Variants in SETBP1 observed in about 807,000 individuals in gnomAD.
The protein encoded by SETBP1 is SET binding protein 1, also known as SET-binding protein.
SETBP1 carries 9 observed loss-of-function variants against 101.0 expected under a neutral mutation model. The ratio of observed to expected loss-of-function variants is 0.09; its 90% CI spans 0.05 to 0.16. The LOEUF is 0.16. Ranked by LOEUF, SETBP1 falls within the 10% of genes least tolerant of loss-of-function variation. The pLI, the probability that SETBP1 is intolerant of heterozygous loss-of-function variation, is 1.00. For synonymous variants in SETBP1, 818 were observed against 788.5 expected (o/e 1.04, Z -0.63); for missense variants, 1,858 against 2,033.8 (o/e 0.91, Z 1.66).
Position 45,026,720 on chromosome 18 carries a change from T to C in SETBP1, c.4001-11765T>C, listed in dbSNP as rs141489959. Reference sequence around the variant, plus strand: ...AGAATAGTTACCACCCTATTGTCTCTGCACTTTTTAAAGCATGGTTGCAAT... The same window carrying C: ...AGAATAGTTACCACCCTATTGTCTCCGCACTTTTTAAAGCATGGTTGCAAT... On this transcript the variant is annotated intron_variant, in intron 4 of 5. Transcript: ENST00000649279. Among the ~76,000 whole-genome samples, 827 of 152,342 alleles carry C rather than the reference T, an allele frequency of 5.4e-3. 6 individuals carry two copies. The highest frequency in any genetic ancestry group is 9.4e-3 in the Admixed American group (144 of 15,300).
intron 1 of SETBP1, among the ~76,000 whole-genome samples, chr18:44,684,000 G>GTCCT (rs2068797812): frequency 6.6e-6 from 1 of 152,196 alleles, no homozygotes; most frequent in Non-Finnish European, 1.5e-5. Flanking sequence ...GTATGTGAGA[G>GTCCT]TCCTACCAGA....
At chr18:44,689,874 G>T (rs2068900618) in intron 1 of SETBP1, among the ~76,000 whole-genome samples, 1 of 152,178 alleles carries the variant, frequency 6.6e-6, no homozygotes, top group South Asian at 2.1e-4. Context: ...AACAGGCCAA[G>T]GATTCATCTC....
chr18:44,763,774 G>A (rs1304532809), intron 2 of SETBP1, among the ~76,000 whole-genome samples: 1 of 152,046 alleles, frequency 6.6e-6, no homozygotes, highest in African/African-American at 2.4e-5. Flanking sequence ...TTTAAAATAT[G>A]TTTCCCTTGG....
intron 2 of SETBP1, among the ~76,000 whole-genome samples, chr18:44,825,403 C>G (rs2072214912): frequency 6.6e-6 from 1 of 152,090 alleles, no homozygotes; most frequent in African/African-American, 2.4e-5. Context: ...GTTTATCTAT[C>G]AGAATATTTT....
chr18:44,734,595 C>T (rs2069922235), intron 2 of SETBP1, among the ~76,000 whole-genome samples: 2 of 152,166 alleles, frequency 1.3e-5, no homozygotes, highest in Admixed American at 1.3e-4. Flanking sequence ...CTTCTGTTTA[C>T]ATTGCTCTGA....
intron 2 of SETBP1, among the ~76,000 whole-genome samples, chr18:44,829,283 C>T (rs1172473076): frequency 6.6e-6 from 1 of 152,128 alleles, no homozygotes; most frequent in Admixed American, 6.5e-5. Flanking sequence ...CTCAGAACAT[C>T]GTATACATGT....
chr18:45,048,769 G>C (rs372486240), intron 5 of SETBP1, among the ~76,000 whole-genome samples: 1 of 150,644 alleles, frequency 6.6e-6, no homozygotes, highest in Non-Finnish European at 1.5e-5. Context: ...TCAGGAGATC[G>C]AGACCATCCT....
At chr18:44,838,588 C>A (rs184566601) in intron 2 of SETBP1, among the ~76,000 whole-genome samples, 1 of 152,086 alleles carries the variant, frequency 6.6e-6, no homozygotes, top group Non-Finnish European at 1.5e-5. Context: ...ACAGGTGTAC[C>A]ATTTACATCA....
At chr18:44,830,347 C>T (rs559146643) in intron 2 of SETBP1, among the ~76,000 whole-genome samples, 64 of 152,190 alleles carry the variant, frequency 4.2e-4, no homozygotes, top group Admixed American at 1.5e-3. Context: ...TTGTGCAAAA[C>T]AGTGACCTTA....
At chr18:45,041,435 T>G (rs976702340) in intron 5 of SETBP1, among the ~76,000 whole-genome samples, 5 of 152,214 alleles carry the variant, frequency 3.3e-5, no homozygotes, top group Non-Finnish European at 7.3e-5. Flanking sequence ...GTGCCTTTCT[T>G]CATCTTTCAC....
At chr18:44,862,008 CTAAT>C (rs1568186532) in intron 2 of SETBP1, among the ~76,000 whole-genome samples, 1 of 152,158 alleles carries the variant, frequency 6.6e-6, no homozygotes, top group African/African-American at 2.4e-5. Context: ...CATGTGGTCT[CTAAT>C]TATCTCTTCA....
At position 44,844,118 on chromosome 18, in the gene SETBP1, C is replaced by T. The variant is rs141336551; in HGVS notation, c.487-25112C>T. Among the ~76,000 whole-genome samples the T allele has an allele frequency of 6.2e-4, 94 of 152,138 alleles. No individual in the cohort carries two copies. In the Middle Eastern group the frequency reaches 0.027, roughly 44 times the overall value. ...AATACAGTTATTTGGGATGAGGGAA[C>T]GTATTTTCTCCCTCAAATAAATTGG... On this transcript the variant is annotated intron_variant, in intron 2 of 5. Coordinates refer to ENST00000649279, the MANE Select transcript of SETBP1 (RefSeq NM_015559.3).
At chr18:44,813,806 C>T (rs890634574) in intron 2 of SETBP1, among the ~76,000 whole-genome samples, 11 of 152,122 alleles carry the variant, frequency 7.2e-5, no homozygotes, top group Non-Finnish European at 1.5e-4. Flanking sequence ...TCAGGTTCCT[C>T]GGAATGCTCA....
At chr18:45,023,694 C>T (rs1374112045) in intron 4 of SETBP1, among the ~76,000 whole-genome samples, 13 of 152,158 alleles carry the variant, frequency 8.5e-5, no homozygotes, top group Admixed American at 8.5e-4. Flanking sequence ...AATTGCAACC[C>T]TCCAGTCAGG....
rs955183286 is a variant in SETBP1, at chr18:44,876,764, A to T, written c.540+7481A>T. On this transcript the variant is annotated intron_variant, in intron 3 of 5. Coordinates refer to ENST00000649279, the MANE Select transcript of SETBP1 (RefSeq NM_015559.3). ...GCACAAGAAGTATAACTTCGCATGG[A>T]TTCTGCAAAGCCCACACCTGTGGTC... 118 of 1,507,792 alleles carry T rather than the reference A, an allele frequency of 7.8e-5. No homozygotes were observed. The East Asian group carries it at 2.7e-3, about 35-fold the overall frequency. The allele number at this position is 1,507,792 out of a possible 1,614,324, so 93.4% of individuals were successfully genotyped here.
chr18:44,999,625 C>CTCAGAGTAAGAAGAGAT (rs2072574034), intron 4 of SETBP1, among the ~76,000 whole-genome samples: 1 of 152,196 alleles, frequency 6.6e-6, no homozygotes, highest in Non-Finnish European at 1.5e-5. Flanking sequence ...AGATAACTCG[C>CTCAGAGTAAGAAGAGAT]AACGACCCTT....
chr18:45,025,569 G>T (rs1370794696), intron 4 of SETBP1, among the ~76,000 whole-genome samples: 1 of 151,974 alleles, frequency 6.6e-6, no homozygotes, highest in African/African-American at 2.4e-5. Context: ...ATCTACATGT[G>T]CATGCCTGCA....
At chr18:44,855,116 C>T (rs116062253) in intron 2 of SETBP1, among the ~76,000 whole-genome samples, 51 of 152,282 alleles carry the variant, frequency 3.3e-4, no homozygotes, top group African/African-American at 1.2e-3. Flanking sequence ...TTATTTAAAG[C>T]AGCATATCCC....
intron 2 of SETBP1, among the ~76,000 whole-genome samples, chr18:44,841,932 G>C (rs1029874757): frequency 6.6e-6 from 1 of 152,142 alleles, no homozygotes; most frequent in African/African-American, 2.4e-5. Flanking sequence ...AGCCTATGTC[G>C]AGTCATTTGT....
Sources: gnomAD v4.1 joint callset for allele counts (sites outside exome capture counted in the v4.1 genomes callset) on GRCh38, gnomAD v4.1.1 for gene constraint, MANE v1.5 for transcripts, NCBI Gene and HGNC (gene_info 2026-07-23, HGNC 2026-07-21) for gene names.